The following VCAN variants were observed in gnomAD, a reference collection of about 807,000 sequenced individuals.
VCAN encodes versican, also known as versican core protein.
A neutral mutation model predicts 245.5 loss-of-function variants in VCAN; 44 were observed. The ratio of observed to expected loss-of-function variants is 0.18; its 90% confidence interval spans 0.14 to 0.23. The LOEUF is 0.23. Among genes scored for constraint, VCAN ranks in the 10% least tolerant of loss-of-function variants. The pLI is 1.00. For synonymous variants in VCAN, 1,413 were observed against 1,437.0 expected, an observed-to-expected ratio of 0.98 and a Z score of 0.38; for missense variants, 3,793 against 4,057.9, an observed-to-expected ratio of 0.93 and a Z score of 1.77.
intron 5 of VCAN, among the ~76,000 whole-genome samples, chr5:83,503,491 CT>C (rs1745393759): frequency 6.6e-6 from 1 of 152,114 alleles, no homozygotes; most frequent in Non-Finnish European, 1.5e-5. Flanking sequence ...AAATGTTGAA[CT>C]TTTGTAGTAA....
intron 11 of VCAN, 142 bp downstream of exon 11, chr5:83,553,664 C>T (rs776592748): frequency 3.4e-6 from 4 of 1,173,606 alleles, no homozygotes. Context: ...TACTTAAAAT[C>T]ATCTCACCTA....
chr5:83,483,706 C>T, intron 2 of VCAN, 118 bp downstream of exon 2: 1 of 948,038 alleles, frequency 1.1e-6, no homozygotes, highest in South Asian at 1.4e-5. Context: ...CTATTAAGTG[C>T]TGAAAACTAT....
At chr5:83,559,240 T>G (rs1747775064) in intron 12 of VCAN, among the ~76,000 whole-genome samples, 3 of 152,202 alleles carry the variant, frequency 2.0e-5, no homozygotes, top group African/African-American at 7.2e-5. Context: ...TTTAAAGTTC[T>G]TTCTTAAACC....
chr5:83,572,393 A>G, intron 12 of VCAN, 23 bp from the exon 13 acceptor site: 1 of 1,613,732 alleles, frequency 6.2e-7, no homozygotes, highest in Non-Finnish European at 8.5e-7. Flanking sequence ...GCAAGTAGTT[A>G]CCTTCTCCCT....
chr5:83,520,416 C>G lies in VCAN; in HGVS notation c.2110C>G (p.Gln704Glu). The G allele has an allele frequency of 1.9e-6, 3 of 1,613,616 alleles. No homozygotes were observed. The highest frequency in any genetic ancestry group is 2.5e-6 in the Non-Finnish European group (3 of 1,179,902). Reference protein sequence around the residue: ...MRTDTYTDEIQEEITKSPFMG... With the variant: ...MRTDTYTDEIEEEITKSPFMG... ...AACAGATACTTATACAGATGAAATA[C>G]AAGAAGAGATCACTAAAAGTCCATT... The change falls in exon 7 of 15, where the codon CAA becomes GAA. Residue 704 changes from glutamine to glutamate, a missense_variant. By Grantham distance (29) the Gln-to-Glu change is conservative. Coordinates refer to ENST00000265077, the MANE Select transcript of VCAN (RefSeq NM_004385.5).
intron 5 of VCAN, among the ~76,000 whole-genome samples, chr5:83,495,035 C>G (rs1416856596): frequency 6.6e-6 from 1 of 152,070 alleles, no homozygotes; most frequent in African/African-American, 2.4e-5. Flanking sequence ...GTTTCTACAA[C>G]TTTTGAAATG....
chr5:83,533,163 T>C (rs931149196), intron 7 of VCAN, among the ~76,000 whole-genome samples: 1 of 152,190 alleles, frequency 6.6e-6, no homozygotes, highest in African/African-American at 2.4e-5. Context: ...TTACTTAATT[T>C]ATTTTGATGT....
intron 13 of VCAN, among the ~76,000 whole-genome samples, chr5:83,576,782 A>G (rs1370852276): frequency 6.6e-6 from 1 of 152,130 alleles, no homozygotes; most frequent in African/African-American, 2.4e-5. Context: ...ATAAAATGTA[A>G]TCTCTTGTGA....
Position 83,580,530 on chromosome 5 carries a change from T to G in VCAN, c.*96T>G. The G allele has an allele frequency of 6.4e-7, 1 of 1,558,660 alleles. No individual in the cohort carries two copies. The highest frequency in any genetic ancestry group is 1.2e-5 in the South Asian group (1 of 85,654). ...CCTCGAGAAGTAATTATCAGTTGGTTTGGATTTTTGGACCACCGTTCAGTC... is the reference window on the plus strand; with the variant it reads ...CCTCGAGAAGTAATTATCAGTTGGTGTGGATTTTTGGACCACCGTTCAGTC... On this transcript the variant is annotated 3_prime_UTR_variant, in exon 15 of 15. Coordinates refer to ENST00000265077, the MANE Select transcript of VCAN (RefSeq NM_004385.5).
chr5:83,521,951 C>G lies in VCAN; in HGVS notation c.3645C>G (p.Asp1215Glu). 1.2e-6 allele frequency: 2 copies of G among 1,614,200 alleles called. No individual in the cohort carries two copies. The highest frequency in any genetic ancestry group is 1.7e-6 in the Non-Finnish European group (2 of 1,180,034). Residue 1215 changes from aspartate (D) to glutamate (E), a missense_variant, in exon 7 of 15, where the codon GAC becomes GAG. Coordinates refer to ENST00000265077, the MANE Select transcript of VCAN (RefSeq NM_004385.5). ...TTACCACTGCCTTCAGTTCAGTAGA[C>G]AGACTTCACACAACTTCAGCATTCA... Reference protein sequence around the residue: ...SDITTAFSSVDRLHTTSAFKP... With the variant: ...SDITTAFSSVERLHTTSAFKP...
intron 6 of VCAN, among the ~76,000 whole-genome samples, chr5:83,518,897 G>A (rs1745963014): frequency 6.6e-6 from 1 of 152,166 alleles, no homozygotes; most frequent in Admixed American, 6.5e-5. Context: ...AAAGAAGGGA[G>A]CATGTGGAGA....
intron 3 of VCAN, 121 bp from the exon 4 acceptor site, chr5:83,493,425 A>G (rs188045194): frequency 7.8e-7 from 1 of 1,288,356 alleles, no homozygotes. Context: ...AAAAGTAAAT[A>G]ATTATTATGA....
intron 7 of VCAN, 41 bp from the exon 8 acceptor site, chr5:83,536,966 A>G (rs202159564): frequency 3.9e-6 from 6 of 1,532,162 alleles, no homozygotes; most frequent in Middle Eastern, 2.1e-4. Context: ...TACACTGCCA[A>G]ATTTTCTATT....
In VCAN at chr5:83,581,317, C is replaced by CAAAAAAAAAAA; in HGVS notation, c.*898_*908dup. The CAAAAAAAAAAA allele has an allele frequency of 8.6e-6, 1 of 116,884 alleles. No homozygotes were observed. Among genetic ancestry groups the CAAAAAAAAAAA allele is most frequent in the Non-Finnish European group, 1.7e-5 (1 of 57,292 alleles). 7.2% of individuals were successfully genotyped at this position (116,884 alleles called of 1,614,324 possible). On this transcript the variant is annotated 3_prime_UTR_variant, in exon 15 of 15. Coordinates refer to ENST00000265077, the MANE Select transcript of VCAN (RefSeq NM_004385.5). Reference sequence around the variant, plus strand: ...GGGTGGGGGATTGTTAAAACACATGCAAAAAAAAAAAAAAAAAAAAAAAAA... The same window carrying CAAAAAAAAAAA: ...GGGTGGGGGATTGTTAAAACACATGCAAAAAAAAAAAAAAAAAAAAAAAAAAAAAAAAAAAA...
At chr5:83,513,431 C>T (rs950066007) in intron 6 of VCAN, among the ~76,000 whole-genome samples, 1 of 152,104 alleles carries the variant, frequency 6.6e-6, no homozygotes, top group African/African-American at 2.4e-5. Flanking sequence ...TTTTAAGCAA[C>T]CAAAAATACA....
rs116822106 is a variant in VCAN at position 83,551,975 on chromosome 5, A to G, written c.9494-1389A>G. Among the ~76,000 whole-genome samples, 1,350 of 152,318 alleles carry G rather than the reference A, an allele frequency of 8.9e-3. 29 individuals carry two copies. The highest frequency in any genetic ancestry group is 0.03 in the African/African-American group (1,261 of 41,560). ...TATGAGACTTGGTGATCTCCAAACAACACTTTAATAAACGCAAAGCTTCCA... is the reference window on the plus strand; with the variant it reads ...TATGAGACTTGGTGATCTCCAAACAGCACTTTAATAAACGCAAAGCTTCCA... On this transcript the variant is annotated intron_variant, in intron 10 of 14. Transcript: ENST00000265077.
At chr5:83,478,321 G>T (rs1173192877) in intron 1 of VCAN, among the ~76,000 whole-genome samples, 3 of 152,178 alleles carry the variant, frequency 2.0e-5, no homozygotes, top group Non-Finnish European at 4.4e-5. Flanking sequence ...ATATACTGTT[G>T]TATGAAAGTA....
At position 83,580,399 on chromosome 5, in the gene VCAN, C is replaced by T. The variant is rs771651182; in HGVS notation, c.10156C>T (p.Arg3386Cys). 1 of 1,613,888 alleles carries T rather than the reference C, an allele frequency of 6.2e-7. No homozygotes were observed. Among genetic ancestry groups the T allele is most frequent in the Non-Finnish European group, 8.5e-7 (1 of 1,179,922 alleles). ...AATAAATACATCCAAACATGATCAT[C>T]GTTGGAGCCGGAGGTGGCAGGAGTC... ...NSINTSKHDH[R>C]WSRRWQESRR Residue 3386 changes from arginine to cysteine, a missense_variant, in exon 15 of 15, where the codon CGT becomes TGT. Physicochemically the swap from Arg to Cys is radical, Grantham distance 180. Transcript: ENST00000265077.
chr5:83,546,968 G>A (rs776383603), intron 9 of VCAN, among the ~76,000 whole-genome samples: 2 of 152,178 alleles, frequency 1.3e-5, no homozygotes, highest in East Asian at 1.9e-4. Context: ...TAGAATCTGT[G>A]TAGAAAGATT....
Sources: gnomAD v4.1 joint callset for allele counts (sites outside exome capture counted in the v4.1 genomes callset) on GRCh38, gnomAD v4.1.1 for gene constraint, MANE v1.5 for transcripts, NCBI Gene and HGNC (gene_info 2026-07-23, HGNC 2026-07-21) for gene names.